DPYD: variants seen among roughly 807,000 people sequenced by gnomAD.
DPYD encodes dihydropyrimidine dehydrogenase, also known as dihydropyrimidine dehydrogenase [NADP(+)].
DPYD carries 109 observed loss-of-function variants against 116.2 expected under a neutral mutation model. The observed-to-expected ratio is 0.94, with a 90% CI of 0.80 to 1.10. The LOEUF is 1.10. DPYD is among the 50% of genes least tolerant of loss of function. The probability of loss-of-function intolerance (pLI) is 0.00; values close to 1 mark genes in which losing one functional copy is unlikely to be tolerated. For synonymous variants in DPYD, 440 were observed against 432.0 expected (o/e 1.02, Z -0.23); for missense variants, 1,302 against 1,254.5 (o/e 1.04, Z -0.57).
intron 20 of DPYD, among the ~76,000 whole-genome samples, chr1:97,171,083 A>G (rs532542487): frequency 2.0e-5 from 3 of 152,310 alleles, no homozygotes; most frequent in South Asian, 4.1e-4. Context: ...TCATAACCCA[A>G]GTTGGATTTG....
intron 20 of DPYD, among the ~76,000 whole-genome samples, chr1:97,163,675 G>C (rs1656094387): frequency 6.6e-6 from 1 of 152,160 alleles, no homozygotes. Flanking sequence ...TTGTGGAAGG[G>C]TCAGAAGGGC....
chr1:97,353,370 G>T (rs182817187), intron 16 of DPYD, among the ~76,000 whole-genome samples: 1 of 152,132 alleles, frequency 6.6e-6, no homozygotes, highest in Non-Finnish European at 1.5e-5. Flanking sequence ...GCTGGATGGC[G>T]CTCTGCATAT....
At chr1:97,374,848 G>A (rs1377824728) in intron 15 of DPYD, among the ~76,000 whole-genome samples, 1 of 150,678 alleles carries the variant, frequency 6.6e-6, no homozygotes, top group African/African-American at 2.4e-5. Context: ...AGGCAACACA[G>A]TGAAACCCCA....
At chr1:97,380,283 A>G (rs1269685043) in intron 15 of DPYD, among the ~76,000 whole-genome samples, 1 of 152,160 alleles carries the variant, frequency 6.6e-6, no homozygotes, top group Admixed American at 6.6e-5. Context: ...CTTCTTTTGC[A>G]TAGAATTGGA....
chr1:97,367,134 G>A (rs1368881712), intron 16 of DPYD, among the ~76,000 whole-genome samples: 2 of 151,988 alleles, frequency 1.3e-5, no homozygotes, highest in Non-Finnish European at 2.9e-5. Context: ...AGCACATCTG[G>A]GGCACTGTGG....
chr1:97,567,255 C>T lies in DPYD; in HGVS notation c.1339+6505G>A, dbSNP rs1344051059. Reference sequence around the variant, plus strand: ...CTATTGACAGAATGTTTGATTTACCCCATGAGGCTTTCAAAAACTTTTCTG... The same window carrying T: ...CTATTGACAGAATGTTTGATTTACCTCATGAGGCTTTCAAAAACTTTTCTG... On this transcript the variant is annotated intron_variant, in intron 11 of 22. Transcript: ENST00000370192. Among the ~76,000 whole-genome samples, 4 of 152,054 alleles carry T rather than the reference C, an allele frequency of 2.6e-5. No homozygotes were observed. In the East Asian group the frequency reaches 5.8e-4, roughly 22 times the overall value.
At chr1:97,568,120 A>T (rs1652659442) in intron 11 of DPYD, among the ~76,000 whole-genome samples, 1 of 152,108 alleles carries the variant, frequency 6.6e-6, no homozygotes, top group African/African-American at 2.4e-5. Context: ...TCAGGAAAAA[A>T]ACTAACCAAA....
chr1:97,292,206 C>A (rs1047124836), intron 18 of DPYD, among the ~76,000 whole-genome samples: 1 of 152,094 alleles, frequency 6.6e-6, no homozygotes, highest in African/African-American at 2.4e-5. Flanking sequence ...ACTTCAGTGA[C>A]CTCTGCTGTA....
Position 97,844,184 on chromosome 1 carries a change from A to C in DPYD, c.151-15988T>G, listed in dbSNP as rs1288352214. On this transcript the variant is annotated intron_variant, in intron 2 of 22. Transcript: ENST00000370192. ...AGGAGACAGGTTTCAGATCACAGAG[A>C]ATCTTGCCAAACCATGGTGATACTG... 3.3e-5 allele frequency among the ~76,000 whole-genome samples: 5 copies of C among 152,358 alleles called. No individual in the cohort carries two copies. The East Asian group carries it at 9.6e-4, about 29-fold the overall frequency.
At chr1:97,679,517 T>A (rs906895163) in intron 7 of DPYD, among the ~76,000 whole-genome samples, 2 of 152,126 alleles carry the variant, frequency 1.3e-5, no homozygotes, top group African/African-American at 2.4e-5. Context: ...AGCATCAATG[T>A]ACAGTCAAGT....
chr1:97,275,031 T>C (rs1376379202), intron 18 of DPYD, among the ~76,000 whole-genome samples: 1 of 152,148 alleles, frequency 6.6e-6, no homozygotes, highest in East Asian at 1.9e-4. Context: ...AATGCCTCTG[T>C]GTCTAAGGTA....
chr1:97,086,692 A>G (rs1171817003), intron 21 of DPYD, among the ~76,000 whole-genome samples: 1 of 152,158 alleles, frequency 6.6e-6, no homozygotes, highest in Non-Finnish European at 1.5e-5. Context: ...ACACTGTCGT[A>G]AAGTAGAAAG....
intron 2 of DPYD, among the ~76,000 whole-genome samples, chr1:97,860,639 A>C (rs932449543): frequency 6.6e-6 from 1 of 152,144 alleles, no homozygotes; most frequent in African/African-American, 2.4e-5. Flanking sequence ...GCACAACGAC[A>C]TTCCATACAA....
At chr1:97,154,721 AAG>A (rs1655312513) in intron 20 of DPYD, among the ~76,000 whole-genome samples, 1 of 151,820 alleles carries the variant, frequency 6.6e-6, no homozygotes, top group South Asian at 2.1e-4. Flanking sequence ...AAAAAAAAAA[AAG>A]ATTGATATAA....
chr1:97,308,628 CTATT>C (rs1235522268), intron 16 of DPYD, among the ~76,000 whole-genome samples: 4 of 151,738 alleles, frequency 2.6e-5, no homozygotes, highest in Non-Finnish European at 5.9e-5. Flanking sequence ...TAGACTGTAA[CTATT>C]TATATTTTCC....
At chr1:97,742,060 G>A (rs1333913296) in intron 3 of DPYD, among the ~76,000 whole-genome samples, 1 of 152,084 alleles carries the variant, frequency 6.6e-6, no homozygotes, top group Non-Finnish European at 1.5e-5. Flanking sequence ...CTAGCATAAA[G>A]TGAGAGTGGG....
At chr1:97,387,982 T>C (rs1672451598) in intron 14 of DPYD, among the ~76,000 whole-genome samples, 1 of 152,124 alleles carries the variant, frequency 6.6e-6, no homozygotes, top group South Asian at 2.1e-4. Context: ...TGCTTGTGAC[T>C]ATAGGGAATA....
intron 5 of DPYD, among the ~76,000 whole-genome samples, chr1:97,714,655 C>CAAAAAAAAAAAAAAAAAA (rs1193831747): frequency 2.0e-5 from 1 of 49,924 alleles, no homozygotes; most frequent in Non-Finnish European, 4.2e-5. Context: ...AAAGAAAAGA[C>CAAAAAAAAAAAAAAAAAA]AAAAAAAAAA....
intron 16 of DPYD, among the ~76,000 whole-genome samples, chr1:97,319,556 C>T (rs1012628178): frequency 7.1e-6 from 1 of 139,940 alleles, no homozygotes; most frequent in Non-Finnish European, 1.5e-5. Context: ...TCTGAATAGA[C>T]CAATAACAGG....
Sources: allele counts gnomAD v4.1 joint callset (sites outside exome capture counted in the v4.1 genomes callset), GRCh38; gene constraint gnomAD v4.1.1; transcripts MANE v1.5; gene names NCBI Gene and HGNC (gene_info 2026-07-23, HGNC 2026-07-21).